CSMD1: variants seen among roughly 807,000 people sequenced by gnomAD.
The protein encoded by CSMD1 is CUB and sushi domain-containing protein 1.
A neutral mutation model predicts 417.5 loss-of-function variants in CSMD1; 213 were observed. The ratio of observed to expected loss-of-function variants is 0.51; its 90% confidence interval spans 0.46 to 0.57. CSMD1 has a LOEUF of 0.57. Ranked by LOEUF, CSMD1 falls within the 20% of genes least tolerant of loss-of-function variation. The pLI is 0.00. For synonymous variants in CSMD1, 2,862 were observed against 1,736.8 expected, an observed-to-expected ratio of 1.65 and a Z score of -16.11; for missense variants, 6,923 against 4,529.7, an observed-to-expected ratio of 1.53 and a Z score of -15.17.
At chr8:3,634,067 G>A (rs910311499) in intron 7 of CSMD1, among the ~76,000 whole-genome samples, 4 of 152,098 alleles carry the variant, frequency 2.6e-5, no homozygotes, top group Non-Finnish European at 5.9e-5. Context: ...CATCTGGGTA[G>A]GGGGTGGTGG....
intron 5 of CSMD1, among the ~76,000 whole-genome samples, chr8:3,960,050 G>A (rs549666287): frequency 3.3e-5 from 5 of 152,320 alleles, no homozygotes; most frequent in Admixed American, 6.5e-5. Flanking sequence ...GCATCTCAGG[G>A]AATGTGTTTC....
chr8:4,119,124 G>T (rs1328709934), intron 3 of CSMD1, among the ~76,000 whole-genome samples: 2 of 152,062 alleles, frequency 1.3e-5, no homozygotes, highest in Non-Finnish European at 2.9e-5. Flanking sequence ...GATCATTAGG[G>T]AACGTACCTA....
chr8:3,174,570 G>T (rs977921357), intron 37 of CSMD1, among the ~76,000 whole-genome samples: 1 of 152,102 alleles, frequency 6.6e-6, no homozygotes, highest in African/African-American at 2.4e-5. Flanking sequence ...ATTTTTAAAA[G>T]ACTATATTCT....
intron 11 of CSMD1, among the ~76,000 whole-genome samples, chr8:3,471,609 T>C (rs1206051665): frequency 2.3e-5 from 3 of 127,776 alleles, no homozygotes; most frequent in African/African-American, 8.8e-5. Context: ...CTTCTTCCTC[T>C]CTCCTTCCTT....
At chr8:4,692,704 G>T (rs148427907) in intron 1 of CSMD1, among the ~76,000 whole-genome samples, 1 of 152,272 alleles carries the variant, frequency 6.6e-6, no homozygotes, top group East Asian at 1.9e-4. Flanking sequence ...AAGTCCTGCA[G>T]CCTGCAAACC....
rs563900122 is a variant in CSMD1 at position 3,737,893 on chromosome 8, C to T, written c.931+16037G>A. Among the ~76,000 whole-genome samples, 12 of 152,236 alleles carry T rather than the reference C, an allele frequency of 7.9e-5. 1 individual carries two copies. In the South Asian group the frequency reaches 1.2e-3, roughly 16 times the overall value. Reference sequence around the variant, plus strand: ...TTTAGTCTTTGCCCAGTGAGAATTCCCTCAAACTCTGACTTGCTTGTGTTC... The same window carrying T: ...TTTAGTCTTTGCCCAGTGAGAATTCTCTCAAACTCTGACTTGCTTGTGTTC... On this transcript the variant is annotated intron_variant, in intron 6 of 69. Coordinates refer to ENST00000635120, the MANE Select transcript of CSMD1 (RefSeq NM_033225.6).
At position 3,719,831 on chromosome 8, in the gene CSMD1, C is replaced by G. The variant is rs997137948; in HGVS notation, c.932-11340G>C. 7.2e-5 allele frequency among the ~76,000 whole-genome samples: 11 copies of G among 152,156 alleles called. 1 individual carries two copies. The highest frequency in any genetic ancestry group is 2.7e-4 in the African/African-American group (11 of 41,440). ...TCTTTAACAGGAAAAATCTCCCTCACAGTGGGGATTTTGAAGTTAGTTGTA... is the reference window on the plus strand; with the variant it reads ...TCTTTAACAGGAAAAATCTCCCTCAGAGTGGGGATTTTGAAGTTAGTTGTA... On this transcript the variant is annotated intron_variant, in intron 6 of 69. Coordinates refer to ENST00000635120, the MANE Select transcript of CSMD1 (RefSeq NM_033225.6).
rs764694659 is a variant in CSMD1, at chr8:3,284,273, C to A, written c.4024G>T (p.Asp1342Tyr). The A allele has an allele frequency of 1.9e-6, 3 of 1,613,976 alleles. No individual in the cohort carries two copies. The South Asian group carries it at 3.3e-5, about 18-fold the overall frequency. ...LKVWDGPVDS[D>Y]ILLKEWSGSA... Reference sequence around the variant, plus strand: ...CCACTCCACTCCTTCAGCAGGATGTCACTGTCCACCGGCCCGTCCCAGACC... The same window carrying A: ...CCACTCCACTCCTTCAGCAGGATGTAACTGTCCACCGGCCCGTCCCAGACC... The change falls in exon 26 of 70, where the codon GAC (aspartate) becomes TAC (tyrosine). Residue 1342 changes from aspartate to tyrosine, a missense_variant. Transcript: ENST00000635120.
chr8:4,741,679 C>A (rs1810613330), intron 1 of CSMD1, among the ~76,000 whole-genome samples: 2 of 152,174 alleles, frequency 1.3e-5, no homozygotes, highest in Admixed American at 1.3e-4. Context: ...CAGTAAATCA[C>A]ATCTTTTCCA....
intron 1 of CSMD1, among the ~76,000 whole-genome samples, chr8:4,990,093 T>G (rs1466286122): frequency 6.6e-6 from 1 of 152,158 alleles, no homozygotes; most frequent in Non-Finnish European, 1.5e-5. Flanking sequence ...ATGGGGGAAT[T>G]CTACCACCCT....
At chr8:3,407,848 C>T in intron 14 of CSMD1, 51 bp downstream of exon 14, 1 of 1,469,912 alleles carries the variant, frequency 6.8e-7, no homozygotes, top group Non-Finnish European at 9.2e-7. Flanking sequence ...AAAATGGGAA[C>T]ATGTAAGTAA....
At chr8:3,382,182 C>G (rs947447163) in intron 18 of CSMD1, among the ~76,000 whole-genome samples, 1 of 151,902 alleles carries the variant, frequency 6.6e-6, no homozygotes, top group Non-Finnish European at 1.5e-5. Flanking sequence ...TCGCTTGAAC[C>G]TGGGAGGCGG....
At chr8:4,901,843 G>A (rs1404603813) in intron 1 of CSMD1, among the ~76,000 whole-genome samples, 1 of 151,060 alleles carries the variant, frequency 6.6e-6, no homozygotes, top group Non-Finnish European at 1.5e-5. Flanking sequence ...TGAGTGAGTA[G>A]CATCATGATG....
chr8:3,264,305 T>G (rs1186758330), intron 26 of CSMD1, among the ~76,000 whole-genome samples: 1 of 152,174 alleles, frequency 6.6e-6, no homozygotes, highest in Non-Finnish European at 1.5e-5. Context: ...AAACCTCAGG[T>G]GGCGTAGTAA....
chr8:4,342,873 G>C (rs1207197429), intron 3 of CSMD1, among the ~76,000 whole-genome samples: 1 of 152,062 alleles, frequency 6.6e-6, no homozygotes, highest in Non-Finnish European at 1.5e-5. Context: ...GGCCACCCAT[G>C]TGACATATCA....
At chr8:2,961,276 C>A in intron 61 of CSMD1, 62 bp from the exon 62 acceptor site, 2 of 996,942 alleles carry the variant, frequency 2.0e-6, no homozygotes, top group South Asian at 1.5e-5. Context: ...AGAATTTTAA[C>A]AGCTTTCACT....
At chr8:4,129,639 G>A (rs1261758435) in intron 3 of CSMD1, among the ~76,000 whole-genome samples, 1 of 152,010 alleles carries the variant, frequency 6.6e-6, no homozygotes, top group African/African-American at 2.4e-5. Flanking sequence ...TGGAAATTTG[G>A]TAGGATATTC....
At chr8:4,712,966 G>T (rs2617033) in intron 1 of CSMD1, among the ~76,000 whole-genome samples, 6,253 of 152,200 alleles carry the variant, frequency 0.041, 148 homozygotes, top group African/African-American at 0.067. Flanking sequence ...TTCTATAAAG[G>T]CAAATCCACG....
At chr8:3,228,222 C>T (rs1452230101) in intron 27 of CSMD1, among the ~76,000 whole-genome samples, 1 of 151,990 alleles carries the variant, frequency 6.6e-6, no homozygotes, top group East Asian at 1.9e-4. Context: ...AAATGTATTA[C>T]CCTTTAATAT....
Sources: gnomAD v4.1 joint callset for allele counts (sites outside exome capture counted in the v4.1 genomes callset) on GRCh38, gnomAD v4.1.1 for gene constraint, MANE v1.5 for transcripts, NCBI Gene and HGNC (gene_info 2026-07-23, HGNC 2026-07-21) for gene names.